GPNMB: variants seen among roughly 807,000 people sequenced by gnomAD.
GPNMB encodes the protein transmembrane glycoprotein NMB.
GPNMB carries 71 observed loss-of-function variants against 57.3 expected under a neutral mutation model. The ratio of observed to expected loss-of-function variants is 1.24; its 90% CI spans 1.02 to 1.51. The LOEUF (loss-of-function observed/expected upper bound fraction) is 1.51. GPNMB is among the 40% of genes most tolerant of loss of function. The pLI, the probability that GPNMB is intolerant of heterozygous loss-of-function variation, is 0.00. For missense variants in GPNMB, 677 were observed against 691.9 expected (o/e 0.98, Z 0.24); for synonymous variants, 253 against 263.2 (o/e 0.96, Z 0.38).
chr7:23,266,287 A>G, intron 6 of GPNMB: 1 of 525,518 alleles, frequency 1.9e-6, no homozygotes. Context: ...TTCACACAAA[A>G]TGTGGGATTA....
At chr7:23,267,366 G>C (rs1433459210) in intron 7 of GPNMB, among the ~76,000 whole-genome samples, 1 of 152,226 alleles carries the variant, frequency 6.6e-6, no homozygotes, top group African/African-American at 2.4e-5. Flanking sequence ...TAGATTGCCA[G>C]ATCTGATGTG....
intron 6 of GPNMB, among the ~76,000 whole-genome samples, chr7:23,263,219 A>T (rs1782971885): frequency 6.6e-6 from 1 of 152,162 alleles, no homozygotes; most frequent in East Asian, 1.9e-4. Context: ...TTTTCTTATA[A>T]ACTATTTATA....
chr7:23,274,094 A>T lies in GPNMB; in HGVS notation c.1553A>T (p.Asn518Ile). The change falls in exon 11 of 11, where the codon AAT becomes ATT. Residue 518 changes from asparagine (N) to isoleucine (I), a missense_variant. Physicochemically the swap from Asn to Ile is moderately radical, Grantham distance 149. Transcript: ENST00000258733. The stretch of plus-strand genomic sequence containing the variant: ...CACAAGGAATACAACCCAATAGAAA[A>T]TAGTCCTGGGAATGTGGTCAGAAGC... Reference protein sequence around the residue: ...KKHKEYNPIENSPGNVVRSKG... With the variant: ...KKHKEYNPIEISPGNVVRSKG... 6.2e-7 allele frequency: 1 copy of T among 1,612,858 alleles called. No homozygotes were observed. The highest frequency in any genetic ancestry group is 8.5e-7 in the Non-Finnish European group (1 of 1,179,136).
At position 23,253,350 on chromosome 7, in the gene GPNMB, G is replaced by A. The variant is rs2128481252; in HGVS notation, c.114G>A (p.Met38Ile). ...GCAATGAAAGACCTTCTGCTTACAT[G>A]AGGGAGCACAATCAATTAAATGGCT... is the stretch of plus-strand genomic sequence containing the variant. ...VLGNERPSAY[M>I]REHNQLNGWS... is the part of the protein sequence containing the mutation. The change falls in exon 2 of 11, where the codon ATG becomes ATA. Residue 38 changes from methionine to isoleucine, a missense_variant. By Grantham distance (10) the Met-to-Ile change is conservative (BLOSUM62 1). Coordinates refer to ENST00000258733, the MANE Select transcript of GPNMB (RefSeq NM_002510.3). The A allele has an allele frequency of 6.2e-7, 1 of 1,613,620 alleles. No homozygotes were observed. Among genetic ancestry groups the A allele is most frequent in the Non-Finnish European group, 8.5e-7 (1 of 1,179,564 alleles).
intron 1 of GPNMB, among the ~76,000 whole-genome samples, chr7:23,252,810 CAA>C (rs1359532335): frequency 6.6e-6 from 1 of 152,162 alleles, no homozygotes; most frequent in African/African-American, 2.4e-5. Context: ...GTAGACTACA[CAA>C]AGTATATGGA....
intron 9 of GPNMB, among the ~76,000 whole-genome samples, chr7:23,271,713 T>G (rs1479299992): frequency 6.6e-6 from 1 of 151,884 alleles, no homozygotes; most frequent in Non-Finnish European, 1.5e-5. Context: ...GGAGAATAAT[T>G]TGAACCCTGG....
At chr7:23,246,985 G>C (rs1782546705) in intron 1 of GPNMB, 58 bp downstream of exon 1, 2 of 1,213,906 alleles carry the variant, frequency 1.6e-6, no homozygotes, top group Admixed American at 1.7e-5. Flanking sequence ...CTGAAATGAT[G>C]GCTAATAATA....
At chr7:23,260,169 G>C (rs772196171) in intron 5 of GPNMB, 31 bp downstream of exon 5, 1 of 1,608,954 alleles carries the variant, frequency 6.2e-7, no homozygotes, top group African/African-American at 1.3e-5. Flanking sequence ...CTGAGGATGA[G>C]GCACTTCATT....
intron 9 of GPNMB, among the ~76,000 whole-genome samples, chr7:23,271,768 C>T (rs965062352): frequency 5.3e-5 from 8 of 152,060 alleles, no homozygotes; most frequent in African/African-American, 1.7e-4. Flanking sequence ...TGCACTCCAG[C>T]CTGGCCAACA....
chr7:23,247,065 C>G, intron 1 of GPNMB, 138 bp downstream of exon 1: 1 of 707,794 alleles, frequency 1.4e-6, no homozygotes, highest in Non-Finnish European at 2.6e-6. Context: ...ATCTCTTCTT[C>G]TGCAAACTGT....
intron 6 of GPNMB, among the ~76,000 whole-genome samples, chr7:23,261,631 G>GGGGGTA (rs1782927301): frequency 6.6e-6 from 1 of 152,026 alleles, no homozygotes; most frequent in African/African-American, 2.4e-5. Flanking sequence ...GGGCCTGTCG[G>GGGGGTA]GGGGTAGGGG....
intron 6 of GPNMB, among the ~76,000 whole-genome samples, chr7:23,263,283 T>G (rs1782973619): frequency 6.6e-6 from 1 of 152,150 alleles, no homozygotes; most frequent in Non-Finnish European, 1.5e-5. Flanking sequence ...ATTTAAAATT[T>G]CTGTTGTAAT....
chr7:23,260,977 A>T (rs1159282296), intron 6 of GPNMB, among the ~76,000 whole-genome samples: 1 of 152,230 alleles, frequency 6.6e-6, no homozygotes. Context: ...ATGTAAAGTC[A>T]CTTTGCAAAT....
chr7:23,260,390 C>A, intron 5 of GPNMB, 66 bp from the exon 6 acceptor site: 1 of 1,294,986 alleles, frequency 7.7e-7, no homozygotes, highest in South Asian at 1.4e-5. Context: ...AAAGCATCGT[C>A]GAAGCCCTCC....
rs1441088657 is a variant in GPNMB at position 23,258,526 on chromosome 7, G to A, written c.542-1454G>A. 3.3e-5 allele frequency among the ~76,000 whole-genome samples: 5 copies of A among 152,100 alleles called. 1 individual carries two copies. The highest frequency in any genetic ancestry group is 5.9e-5 in the Non-Finnish European group (4 of 68,010). ...TCACTTATGTTCACTAACACTCGCC[G>A]ACTCTTTAGCCTAGTAAACATTCCA... On this transcript the variant is annotated intron_variant, in intron 4 of 10. Transcript: ENST00000258733.
At chr7:23,270,851 C>A (rs949241175) in intron 9 of GPNMB, among the ~76,000 whole-genome samples, 3 of 152,194 alleles carry the variant, frequency 2.0e-5, no homozygotes, top group African/African-American at 7.2e-5. Flanking sequence ...CTTCCCCCAA[C>A]CTCCAAATTA....
chr7:23,273,856 A>T, intron 10 of GPNMB: 1 of 585,482 alleles, frequency 1.7e-6, no homozygotes, highest in Non-Finnish European at 3.0e-6. Context: ...TAATTTTAAC[A>T]TGATAGTCTC....
chr7:23,266,471 A>G (rs762304625), intron 6 of GPNMB, 46 bp from the exon 7 acceptor site: 1 of 1,592,476 alleles, frequency 6.3e-7, no homozygotes, highest in Admixed American at 1.8e-5. Context: ...TGTATCTTTT[A>G]TGTTCGTAGC....
At chr7:23,260,377 C>A in intron 5 of GPNMB, 79 bp from the exon 6 acceptor site, 1 of 1,221,432 alleles carries the variant, frequency 8.2e-7, no homozygotes. Context: ...ATATTTCAAC[C>A]TAAAAGCATC....
Sources: gnomAD v4.1 joint callset for allele counts (sites outside exome capture counted in the v4.1 genomes callset) on GRCh38, gnomAD v4.1.1 for gene constraint, MANE v1.5 for transcripts, NCBI Gene and HGNC (gene_info 2026-07-23, HGNC 2026-07-21) for gene names.